Variants in DLGAP2 observed in about 807,000 individuals in gnomAD.
The protein encoded by DLGAP2 is disks large-associated protein 2.
Under a neutral mutation model 100.3 loss-of-function variants are expected in DLGAP2, and 26 were observed. That is an observed-to-expected ratio of 0.26 (90% CI 0.19 to 0.36). DLGAP2 has a LOEUF of 0.36. DLGAP2 is among the 10% of genes least tolerant of loss of function. The probability of loss-of-function intolerance (pLI) is 1.00; values close to 1 mark genes in which losing one functional copy is unlikely to be tolerated. For synonymous variants in DLGAP2, 886 were observed against 630.1 expected, an observed-to-expected ratio of 1.41 and a Z score of -6.08; for missense variants, 1,858 against 1,453.2, an observed-to-expected ratio of 1.28 and a Z score of -4.53.
At chr8:839,390 T>C (rs1796940399) in intron 1 of DLGAP2, among the ~76,000 whole-genome samples, 1 of 152,230 alleles carries the variant, frequency 6.6e-6, no homozygotes, top group South Asian at 2.1e-4. Context: ...AATGGAATAC[T>C]ATTGAGCCTT....
intron 1 of DLGAP2, among the ~76,000 whole-genome samples, chr8:746,376 G>A (rs935242366): frequency 6.6e-6 from 1 of 152,260 alleles, no homozygotes; most frequent in African/African-American, 2.4e-5. Context: ...TCTGCAGGCT[G>A]CGGATGAGGA....
In DLGAP2 at chr8:1,565,848, C is replaced by G. The variant is rs562623267; in HGVS notation, c.1396C>G (p.Pro466Ala). The G allele has an allele frequency of 6.2e-7, 1 of 1,612,790 alleles. No homozygotes were observed. Among genetic ancestry groups the G allele is most frequent in the South Asian group, 1.1e-5 (1 of 90,812 alleles). ...TSPKSAILPE[P>A]LLKSIGQRPL... is the part of the protein sequence containing the mutation. ...ACCAAAGTCGGCAATCCTACCAGAG[C>G]CGCTGCTGAAGTCCATCGGACAGAG... Residue 466 changes from proline (P) to alanine (A), a missense_variant, in exon 6 of 15, where the codon CCG becomes GCG. By Grantham distance (27) the Pro-to-Ala change is conservative (BLOSUM62 -1). Coordinates refer to ENST00000637795, the MANE Select transcript of DLGAP2 (RefSeq NM_001346810.2).
chr8:833,859 A>T (rs1028203357), intron 1 of DLGAP2, among the ~76,000 whole-genome samples: 1 of 152,208 alleles, frequency 6.6e-6, no homozygotes, highest in Admixed American at 6.5e-5. Context: ...TTCATCTTTT[A>T]TCTCAGAACA....
intron 3 of DLGAP2, among the ~76,000 whole-genome samples, chr8:1,355,388 G>T (rs1370095397): frequency 6.6e-6 from 1 of 151,474 alleles, no homozygotes; most frequent in Non-Finnish European, 1.5e-5. Context: ...TGTTTGAGAT[G>T]GAGTCTCGCT....
rs565133001 is a variant in DLGAP2 at position 1,408,340 on chromosome 8, G to A, written c.107-93026G>A. Among the ~76,000 whole-genome samples, 13 of 152,334 alleles carry A rather than the reference G, an allele frequency of 8.5e-5. No homozygotes were observed. In the South Asian group the frequency reaches 1.2e-3, roughly 15 times the overall value. ...GTGTCCGAGGGTTTCCCCTTCCCTC[G>A]GGGAGGCGTCTGTGTTCTCATCAGG... On this transcript the variant is annotated intron_variant, in intron 3 of 14. Transcript: ENST00000637795.
intron 8 of DLGAP2, among the ~76,000 whole-genome samples, chr8:1,641,076 C>T (rs561299034): frequency 4.6e-5 from 7 of 152,132 alleles, no homozygotes; most frequent in East Asian, 3.9e-4. Flanking sequence ...GGTCGGGTGT[C>T]GGAGTTAGGA....
intron 6 of DLGAP2, among the ~76,000 whole-genome samples, chr8:1,569,766 A>G (rs1263410540): frequency 6.6e-6 from 1 of 152,228 alleles, no homozygotes; most frequent in Non-Finnish European, 1.5e-5. Flanking sequence ...CTCAGCCCCA[A>G]GCCCCGTGGC....
chr8:940,263 G>A (rs993113715), intron 2 of DLGAP2, among the ~76,000 whole-genome samples: 2 of 152,050 alleles, frequency 1.3e-5, no homozygotes, highest in African/African-American at 4.8e-5. Context: ...ATTCTGAGCT[G>A]GTCAGGTGGC....
intron 3 of DLGAP2, among the ~76,000 whole-genome samples, chr8:1,392,876 A>G (rs1187822114): frequency 1.4e-5 from 2 of 143,312 alleles, no homozygotes; most frequent in Non-Finnish European, 3.0e-5. Context: ...TCTTTGTTAA[A>G]TGTGACGTTT....
In DLGAP2 at chr8:1,147,531, C is replaced by A. The variant is rs530066407; in HGVS notation, c.74-111320C>A. Among the ~76,000 whole-genome samples the A allele has an allele frequency of 2.8e-5, 4 of 143,048 alleles. No homozygotes were observed. The South Asian group carries it at 9.1e-4, about 33-fold the overall frequency. The allele number at this position is 143,048 out of a possible 152,430, so 93.8% of individuals were successfully genotyped here. On this transcript the variant is annotated intron_variant, in intron 2 of 14. Coordinates refer to ENST00000637795, the MANE Select transcript of DLGAP2 (RefSeq NM_001346810.2). ...TCAAGATGATTATGTAATTTTTATA[C>A]CTTCTTCTTTTTTTTTTTTTTTAAA...
intron 2 of DLGAP2, among the ~76,000 whole-genome samples, chr8:1,233,571 C>T (rs1387525704): frequency 2.0e-5 from 3 of 152,120 alleles, no homozygotes; most frequent in East Asian, 3.9e-4. Flanking sequence ...CTCAAGGGGA[C>T]CTGATGCAAG....
intron 3 of DLGAP2, among the ~76,000 whole-genome samples, chr8:1,391,401 G>T (rs1192093303): frequency 1.3e-5 from 2 of 152,202 alleles, no homozygotes; most frequent in African/African-American, 2.4e-5. Flanking sequence ...GAGGCACGCG[G>T]CTTATCCAGG....
intron 1 of DLGAP2, among the ~76,000 whole-genome samples, chr8:827,895 T>C (rs997227224): frequency 1.1e-4 from 17 of 151,730 alleles, no homozygotes. Flanking sequence ...AAGGACAGAG[T>C]ACAAAAGAGA....
At chr8:758,300 T>G (rs891518789) in intron 1 of DLGAP2, among the ~76,000 whole-genome samples, 1 of 152,210 alleles carries the variant, frequency 6.6e-6, no homozygotes, top group Non-Finnish European at 1.5e-5. Flanking sequence ...GAATAAACCT[T>G]GAAACAATCA....
intron 2 of DLGAP2, among the ~76,000 whole-genome samples, chr8:1,132,296 A>C (rs1796310244): frequency 6.6e-6 from 1 of 152,152 alleles, no homozygotes; most frequent in Non-Finnish European, 1.5e-5. Flanking sequence ...TAATCAGTTT[A>C]TGTTAAAGCC....
At chr8:981,703 A>G (rs911651748) in intron 2 of DLGAP2, among the ~76,000 whole-genome samples, 9 of 152,080 alleles carry the variant, frequency 5.9e-5, no homozygotes, top group Non-Finnish European at 1.3e-4. Flanking sequence ...TGTATTTATT[A>G]TCCATTTGTT....
chr8:1,440,987 G>A (rs1797813947), intron 3 of DLGAP2, among the ~76,000 whole-genome samples: 1 of 152,150 alleles, frequency 6.6e-6, no homozygotes, highest in Non-Finnish European at 1.5e-5. Context: ...TCCCAGCACG[G>A]GTTTTCCAGC....
At chr8:1,537,527 C>T (rs73674403) in intron 4 of DLGAP2, among the ~76,000 whole-genome samples, 6,062 of 152,260 alleles carry the variant, frequency 0.04, 421 homozygotes, top group African/African-American at 0.14. Context: ...GCAGGAAAAA[C>T]CCCATTCCAA....
chr8:1,157,494 T>C (rs73530463), intron 2 of DLGAP2, among the ~76,000 whole-genome samples: 7,412 of 152,216 alleles, frequency 0.049, 456 homozygotes, highest in African/African-American at 0.15. Flanking sequence ...TCCCAGCCCC[T>C]GAAGACCCAT....
Sources: allele counts gnomAD v4.1 joint callset (sites outside exome capture counted in the v4.1 genomes callset), GRCh38; gene constraint gnomAD v4.1.1; transcripts MANE v1.5; gene names NCBI Gene and HGNC (gene_info 2026-07-23, HGNC 2026-07-21).